The following PAPPA variants were observed in gnomAD, a reference collection of about 807,000 sequenced individuals.
PAPPA encodes the protein pappalysin-1.
PAPPA carries 60 observed loss-of-function variants against 164.0 expected under a neutral mutation model. That is an observed-to-expected ratio of 0.37 (90% CI 0.30 to 0.45). PAPPA has a LOEUF of 0.45. Among genes scored for constraint, PAPPA ranks in the 20% least tolerant of loss-of-function variants. The pLI, the probability that PAPPA is intolerant of heterozygous loss-of-function variation, is 1.00. For synonymous variants in PAPPA, 875 were observed against 814.1 expected (o/e 1.07, Z -1.27); for missense variants, 1,782 against 2,087.3 (o/e 0.85, Z 2.85).
intron 5 of PAPPA, among the ~76,000 whole-genome samples, chr9:116,226,054 AG>A (rs1331818606): frequency 1.3e-5 from 2 of 152,240 alleles, no homozygotes; most frequent in African/African-American, 4.8e-5. Flanking sequence ...GTGAACTTGA[AG>A]GAGGAGAAAC....
chr9:116,318,605 C>G (rs1260521728), intron 10 of PAPPA: 1 of 152,216 alleles, frequency 6.6e-6, no homozygotes, highest in East Asian at 1.9e-4. Flanking sequence ...GCATCTTACT[C>G]TTGGAGGTAG....
intron 20 of PAPPA, among the ~76,000 whole-genome samples, chr9:116,381,607 C>T (rs911449708): frequency 6.6e-6 from 1 of 152,046 alleles, no homozygotes; most frequent in African/African-American, 2.4e-5. Flanking sequence ...TGGAGAAACA[C>T]ACAGAAGAAA....
chr9:116,376,001 T>C (rs1017967249), intron 19 of PAPPA, among the ~76,000 whole-genome samples: 2 of 149,050 alleles, frequency 1.3e-5, no homozygotes, highest in African/African-American at 2.5e-5. Context: ...CCATGGAGAA[T>C]AGAAAAGGGA....
At chr9:116,329,045 G>A (rs1845956667) in intron 10 of PAPPA, among the ~76,000 whole-genome samples, 1 of 152,142 alleles carries the variant, frequency 6.6e-6, no homozygotes, top group African/African-American at 2.4e-5. Context: ...TTATTATAAA[G>A]AGAATTGAGA....
intron 7 of PAPPA, among the ~76,000 whole-genome samples, chr9:116,250,673 C>A (rs904987633): frequency 6.6e-6 from 1 of 152,220 alleles, no homozygotes; most frequent in South Asian, 2.1e-4. Flanking sequence ...GACTGAAAAA[C>A]TCTCAGACCA....
chr9:116,223,889 T>G (rs1844474193), intron 5 of PAPPA, among the ~76,000 whole-genome samples: 2 of 152,230 alleles, frequency 1.3e-5, no homozygotes. Flanking sequence ...CATCAAAATG[T>G]GCTCATCCTG....
intron 10 of PAPPA, among the ~76,000 whole-genome samples, chr9:116,328,660 T>C (rs912063205): frequency 6.6e-6 from 1 of 152,226 alleles, no homozygotes; most frequent in Non-Finnish European, 1.5e-5. Context: ...AGAAATATTA[T>C]AAGGCAGCTT....
intron 5 of PAPPA, 82 bp from the exon 6 acceptor site, chr9:116,227,349 A>G (rs1844525916): frequency 2.1e-6 from 3 of 1,460,294 alleles, no homozygotes; most frequent in African/African-American, 1.4e-5. Flanking sequence ...CCTCTGCCCC[A>G]TTGACTCTGG....
At chr9:116,174,702 TTTAGA>T (rs1442088246) in intron 1 of PAPPA, among the ~76,000 whole-genome samples, 1 of 152,068 alleles carries the variant, frequency 6.6e-6, no homozygotes, top group East Asian at 1.9e-4. Context: ...ATTAATTTCT[TTTAGA>T]TTAATTTCTT....
chr9:116,207,065 C>T (rs1440146694), intron 2 of PAPPA, among the ~76,000 whole-genome samples: 2 of 152,042 alleles, frequency 1.3e-5, no homozygotes, highest in African/African-American at 4.8e-5. Context: ...AGCAGGAAAC[C>T]ATCACTAATG....
chr9:116,204,451 A>G (rs1382704647), intron 2 of PAPPA, among the ~76,000 whole-genome samples: 1 of 152,140 alleles, frequency 6.6e-6, no homozygotes, highest in African/African-American at 2.4e-5. Context: ...CTATTGCTCT[A>G]TTGCCCAAGT....
chr9:116,287,755 T>A (rs1341759884), intron 9 of PAPPA, among the ~76,000 whole-genome samples: 1 of 152,328 alleles, frequency 6.6e-6, no homozygotes, highest in East Asian at 1.9e-4. Flanking sequence ...CAGTGGTTGG[T>A]GCCTATCCAG....
intron 13 of PAPPA, among the ~76,000 whole-genome samples, chr9:116,339,153 C>T (rs1244792085): frequency 3.3e-5 from 5 of 152,200 alleles, no homozygotes; most frequent in Non-Finnish European, 7.3e-5. Flanking sequence ...CATAAACAAT[C>T]TCTCTTTGGC....
Position 116,187,886 on chromosome 9 carries a change from C to T in PAPPA, c.1148C>T (p.Ala383Val), listed in dbSNP as rs1662215344. ...GTGGACTTCCAGCACCATCAGCTGG[C>T]TGAGGCCTTCAAGCAATACAACATC... Reference protein sequence around the residue: ...EQVDFQHHQLAEAFKQYNISW... With the variant: ...EQVDFQHHQLVEAFKQYNISW... Residue 383 changes from alanine (A) to valine (V), a missense_variant, in exon 2 of 22, where the codon GCT becomes GTT. By Grantham distance (64) the Ala-to-Val change is moderately conservative (BLOSUM62 0). Coordinates refer to ENST00000328252, the MANE Select transcript of PAPPA (RefSeq NM_002581.5). This position sits in a 1 kb window ranked among gnomAD's most constrained non-coding sequence, Gnocchi z 4.2. The T allele has an allele frequency of 6.2e-7, 1 of 1,614,146 alleles. No individual in the cohort carries two copies. The highest frequency in any genetic ancestry group is 8.5e-7 in the Non-Finnish European group (1 of 1,180,024).
chr9:116,362,767 A>G (rs1846446343), intron 18 of PAPPA, 28 bp downstream of exon 18: 1 of 1,602,726 alleles, frequency 6.2e-7, no homozygotes, highest in South Asian at 1.1e-5. Context: ...GGGGAGCAGT[A>G]GGAGGGGCAA....
chr9:116,157,417 G>A (rs1447968875), intron 1 of PAPPA, among the ~76,000 whole-genome samples: 2 of 152,166 alleles, frequency 1.3e-5, no homozygotes, highest in Non-Finnish European at 2.9e-5. Context: ...AAAAAGGGAA[G>A]GCTTATGCAG....
intron 7 of PAPPA, among the ~76,000 whole-genome samples, chr9:116,236,404 G>A (rs551600529): frequency 1.2e-3 from 184 of 151,978 alleles, no homozygotes; most frequent in African/African-American, 4.3e-3. Context: ...GGCTAACATG[G>A]TGAAACCCCG....
At chr9:116,217,131 T>C (rs1209768317) in intron 4 of PAPPA, among the ~76,000 whole-genome samples, 1 of 152,212 alleles carries the variant, frequency 6.6e-6, no homozygotes, top group East Asian at 1.9e-4. Context: ...TATCAACAAA[T>C]GTGAAAATGG....
intron 1 of PAPPA, among the ~76,000 whole-genome samples, chr9:116,159,701 A>T (rs1458570437): frequency 6.6e-6 from 1 of 152,166 alleles, no homozygotes; most frequent in East Asian, 1.9e-4. Context: ...TCAGTGAACA[A>T]GTAGAAGTGA....
Sources: gnomAD v4.1 joint callset for allele counts (sites outside exome capture counted in the v4.1 genomes callset) on GRCh38, gnomAD v4.1.1 for gene constraint, Gnocchi (gnomAD v3.1) non-coding constraint, MANE v1.5 for transcripts, NCBI Gene and HGNC (gene_info 2026-07-23, HGNC 2026-07-21) for gene names.